PLAC8L1: variants seen among roughly 807,000 people sequenced by gnomAD.
PLAC8L1 encodes the protein PLAC8-like protein 1.
Under a neutral mutation model 16.3 loss-of-function variants are expected in PLAC8L1, and 13 were observed. The observed-to-expected ratio is 0.80, with a 90% CI of 0.52 to 1.27. The LOEUF (loss-of-function observed/expected upper bound fraction) is 1.27. PLAC8L1 is among the 50% of genes most tolerant of loss of function. The probability of loss-of-function intolerance (pLI) is 0.00; values close to 1 mark genes in which losing one functional copy is unlikely to be tolerated. For missense variants in PLAC8L1, 184 were observed against 220.2 expected (o/e 0.84, Z 1.04); for synonymous variants, 78 against 79.3 (o/e 0.98, Z 0.09).
At chr5:146,097,593 T>A (rs1763739379) in intron 2 of PLAC8L1, among the ~76,000 whole-genome samples, 1 of 152,230 alleles carries the variant, frequency 6.6e-6, no homozygotes, top group Non-Finnish European at 1.5e-5. Context: ...TGTATCCAAA[T>A]CATCTTTTCA....
At chr5:146,086,342 T>C (rs955101412) in intron 2 of PLAC8L1, among the ~76,000 whole-genome samples, 2 of 152,228 alleles carry the variant, frequency 1.3e-5, no homozygotes, top group African/African-American at 4.8e-5. Flanking sequence ...AGGTCTTTTA[T>C]AGTACACTAA....
intron 2 of PLAC8L1, among the ~76,000 whole-genome samples, chr5:146,092,260 T>G (rs1395822096): frequency 6.6e-6 from 1 of 152,258 alleles, no homozygotes; most frequent in African/African-American, 2.4e-5. Flanking sequence ...ATTCATACAT[T>G]GCTGGTGGGA....
At chr5:146,087,041 C>T (rs1029003703) in intron 2 of PLAC8L1, among the ~76,000 whole-genome samples, 2 of 152,234 alleles carry the variant, frequency 1.3e-5, no homozygotes, top group Admixed American at 1.3e-4. Flanking sequence ...CCCAGCCCTC[C>T]CGTTGCCCAC....
intron 2 of PLAC8L1, among the ~76,000 whole-genome samples, chr5:146,087,005 A>G (rs1763527355): frequency 1.3e-5 from 2 of 152,144 alleles, no homozygotes; most frequent in Admixed American, 6.5e-5. Flanking sequence ...CTCACCCCAG[A>G]GCTCCTGTGT....
At chr5:146,100,935 C>T (rs1763805462) in intron 1 of PLAC8L1, among the ~76,000 whole-genome samples, 1 of 152,158 alleles carries the variant, frequency 6.6e-6, no homozygotes, top group East Asian at 1.9e-4. Context: ...CACAGTGGCT[C>T]ATGCCTATAA....
chr5:146,103,713 T>A, intron 1 of PLAC8L1: 1 of 985,366 alleles, frequency 1.0e-6, no homozygotes, highest in Non-Finnish European at 1.2e-6. Context: ...CTCACTCCAT[T>A]CCTCTTCCTC....
chr5:146,084,337 T>C lies in PLAC8L1; in HGVS notation c.*95A>G, dbSNP rs772726082. 2.2e-5 allele frequency: 31 copies of C among 1,434,470 alleles called. No individual in the cohort carries two copies. The highest frequency in any genetic ancestry group is 5.9e-5 in the Admixed American group (3 of 50,898). 88.9% of individuals were successfully genotyped at this position (1,434,470 alleles called of 1,614,324 possible). ...GTAGGGGGGAAATCATTTATTTTCA[T>C]ACCATTTCAGTAAAAACTTAGGAAA... On this transcript the variant is annotated 3_prime_UTR_variant, in exon 4 of 4. Coordinates refer to ENST00000311450, the MANE Select transcript of PLAC8L1 (RefSeq NM_001029869.3).
Position 146,103,938 on chromosome 5 carries a change from C to T in PLAC8L1, c.119+255G>A, listed in dbSNP as rs544494744. On this transcript the variant is annotated intron_variant, in intron 1 of 3. Coordinates refer to ENST00000311450, the MANE Select transcript of PLAC8L1 (RefSeq NM_001029869.3). ...TTGGCAGTCTCTAAAAATAAAGTTCCACTTGGTCAGGGTTCAACATTTTAA... is the reference window on the plus strand; with the variant it reads ...TTGGCAGTCTCTAAAAATAAAGTTCTACTTGGTCAGGGTTCAACATTTTAA... 4.1e-6 allele frequency: 4 copies of T among 985,418 alleles called. No individual in the cohort carries two copies. In the Admixed American group the frequency reaches 1.8e-4, roughly 45 times the overall value. The allele number at this position is 985,418 out of a possible 1,614,324, so 61.0% of individuals were successfully genotyped here. A position where few individuals can be genotyped will look rare whatever the true frequency, so the allele number is the denominator to read the frequency against.
In PLAC8L1 at chr5:146,098,662, G is replaced by A. The variant is rs193088077; in HGVS notation, c.120-370C>T. ...AAATGACTTTACCTCTCTGCTTTCC[G>A]TTGGTTCTGATGAAAAAACTACCTC... On this transcript the variant is annotated intron_variant, in intron 1 of 3. Coordinates refer to ENST00000311450, the MANE Select transcript of PLAC8L1 (RefSeq NM_001029869.3). Among the ~76,000 whole-genome samples, 571 of 152,300 alleles carry A rather than the reference G, an allele frequency of 3.7e-3. 1 individual carries two copies. Among genetic ancestry groups the A allele is most frequent in the Non-Finnish European group, 6.3e-3 (431 of 68,026 alleles).
chr5:146,095,977 G>A (rs141027641), intron 2 of PLAC8L1, among the ~76,000 whole-genome samples: 10 of 152,084 alleles, frequency 6.6e-5, no homozygotes, highest in South Asian at 4.1e-4. Flanking sequence ...TTATATATTC[G>A]TTTCCTAGGG....
chr5:146,094,025 T>A (rs2150035787), intron 2 of PLAC8L1, among the ~76,000 whole-genome samples: 1 of 152,344 alleles, frequency 6.6e-6, no homozygotes, highest in East Asian at 1.9e-4. Flanking sequence ...CTTCATGGCA[T>A]TTATCACAAC....
At chr5:146,099,995 C>A (rs776470659) in intron 1 of PLAC8L1, among the ~76,000 whole-genome samples, 17 of 152,082 alleles carry the variant, frequency 1.1e-4, no homozygotes, top group Non-Finnish European at 2.4e-4. Context: ...TCCCTCGGAC[C>A]AACTGCACAG....
chr5:146,103,703 C>T (rs1763860912), intron 1 of PLAC8L1: 1 of 985,154 alleles, frequency 1.0e-6, no homozygotes, highest in Non-Finnish European at 1.2e-6. Flanking sequence ...TCTTTTTGAC[C>T]TCACTCCATT....
chr5:146,105,040 C>T lies in PLAC8L1; in HGVS notation c.-729G>A, dbSNP rs529291079. On this transcript the variant is annotated 5_prime_UTR_variant, in exon 1 of 4. Coordinates refer to ENST00000311450, the MANE Select transcript of PLAC8L1 (RefSeq NM_001029869.3). ...CACAACAGCTCTGAATCCTCAAGGT[C>T]TCAGGAGCCTCTGAATCATGCCTCT... Among the ~76,000 whole-genome samples the T allele has an allele frequency of 6.6e-6, 1 of 152,284 alleles. No homozygotes were observed. Among genetic ancestry groups the T allele is most frequent in the South Asian group, 2.1e-4 (1 of 4,828 alleles).
intron 1 of PLAC8L1, among the ~76,000 whole-genome samples, chr5:146,103,168 T>C (rs1763850108): frequency 6.6e-6 from 1 of 152,182 alleles, no homozygotes; most frequent in Non-Finnish European, 1.5e-5. Context: ...ATCTCTTCTT[T>C]CTTTTTTTGA....
At chr5:146,094,757 A>C (rs1378906796) in intron 2 of PLAC8L1, among the ~76,000 whole-genome samples, 1 of 152,246 alleles carries the variant, frequency 6.6e-6, no homozygotes, top group African/African-American at 2.4e-5. Context: ...GAAGCACTTA[A>C]AATACATAAT....
intron 1 of PLAC8L1, chr5:146,103,885 A>T: frequency 3.0e-6 from 3 of 985,394 alleles, no homozygotes; most frequent in Non-Finnish European, 3.6e-6. Flanking sequence ...AAAACCCTTG[A>T]GTTTTCATTT....
chr5:146,087,415 T>C (rs1269604359), intron 2 of PLAC8L1, among the ~76,000 whole-genome samples: 1 of 152,260 alleles, frequency 6.6e-6, no homozygotes, highest in Non-Finnish European at 1.5e-5. Flanking sequence ...ATGGGGTAGA[T>C]ATACGTTTAA....
At chr5:146,092,149 GA>G in intron 2 of PLAC8L1, among the ~76,000 whole-genome samples, 1 of 152,132 alleles carries the variant, frequency 6.6e-6, no homozygotes, top group Non-Finnish European at 1.5e-5. Context: ...TTAGAAGTAG[GA>G]AAGGTGGGTG....
Sources: allele counts gnomAD v4.1 joint callset (sites outside exome capture counted in the v4.1 genomes callset), GRCh38; gene constraint gnomAD v4.1.1; transcripts MANE v1.5; gene names NCBI Gene and HGNC (gene_info 2026-07-23, HGNC 2026-07-21).